The following ZNF454 variants were observed in gnomAD, a reference collection of about 807,000 sequenced individuals.
The protein encoded by ZNF454 is zinc finger protein 454.
In ZNF454, 30 loss-of-function variants were observed where a neutral mutation model predicts 48.2. The ratio of observed to expected loss-of-function variants is 0.62; its 90% confidence interval spans 0.47 to 0.84. The LOEUF (loss-of-function observed/expected upper bound fraction) is 0.84, where lower values mean the gene tolerates loss of function less well. Ranked by LOEUF, ZNF454 falls within the 40% of genes least tolerant of loss-of-function variation. The pLI, the probability that ZNF454 is intolerant of heterozygous loss-of-function variation, is 0.00. For missense variants in ZNF454, 510 were observed against 623.1 expected (o/e 0.82, Z 1.93); for synonymous variants, 204 against 211.4 (o/e 0.97, Z 0.30).
In ZNF454 at chr5:178,964,689, T is replaced by C. The variant is rs1370068638; in HGVS notation, c.285T>C (p.Thr95=). 1.2e-6 allele frequency: 2 copies of C among 1,613,946 alleles called. No individual in the cohort carries two copies. The highest frequency in any genetic ancestry group is 2.7e-5 in the African/African-American group (2 of 74,946). The change falls in exon 5 of 5, where the codon ACT becomes ACC. Residue 95 remains threonine, a synonymous_variant. Coordinates refer to ENST00000519564, the MANE Select transcript of ZNF454 (RefSeq NM_001178089.3). The stretch of plus-strand genomic sequence containing the variant: ...CTATGCCTGCCAGTAAGAAATCTAC[T>C]GTCAAGGCAGAGATTCCTGAAGAAG... ...WMTMPASKKS[T]VKAEIPEEEL...
At position 178,956,865 on chromosome 5, in the gene ZNF454, C is replaced by T. The variant is rs183430259; in HGVS notation, c.251-7790C>T. 1,972 of 362,968 alleles carry T rather than the reference C, an allele frequency of 5.4e-3. 19 individuals carry two copies. Among genetic ancestry groups the T allele is most frequent in the Non-Finnish European group, 6.1e-3 (1,090 of 179,496 alleles). The allele number at this position is 362,968 out of a possible 1,614,324, so 22.5% of individuals were successfully genotyped here. On this transcript the variant is annotated intron_variant, in intron 4 of 4. Transcript: ENST00000519564. ...GGAATACAGGCGCCCGCCACCATGC[C>T]CGGCTAATTTTTTGTATTTTTTGTT...
chr5:178,973,604 G>A, the ZNF454 span, among the ~76,000 whole-genome samples: 27 of 152,286 alleles, frequency 1.8e-4, no homozygotes, highest in Middle Eastern at 3.4e-3. Flanking sequence ...AGCACTTTGG[G>A]AGGCCGAAGC....
At chr5:178,942,931 A>C in intron 2 of ZNF454, 107 bp downstream of exon 2, 1 of 1,317,396 alleles carries the variant, frequency 7.6e-7, no homozygotes, top group Non-Finnish European at 1.0e-6. Context: ...CCACCCAGAC[A>C]CTGACCTCAG....
rs1759338326 is a variant in ZNF454, at chr5:178,946,433, G to A, written c.108G>A (p.Arg36=). 1.9e-6 allele frequency: 3 copies of A among 1,612,610 alleles called. No individual in the cohort carries two copies. Among genetic ancestry groups the A allele is most frequent in the Admixed American group, 1.7e-5 (1 of 59,534 alleles). ...EEWGQLSPAQ[R]ALYRDVMLEN... Reference sequence around the variant, plus strand: ...GGGGGCAGCTGAGCCCCGCCCAGAGGGCCCTGTACAGGGACGTGATGCTGG... The same window carrying A: ...GGGGGCAGCTGAGCCCCGCCCAGAGAGCCCTGTACAGGGACGTGATGCTGG... The change falls in exon 3 of 5, where the codon AGG becomes AGA. Residue 36 remains arginine, a synonymous_variant. Transcript: ENST00000519564. This position sits in a 1 kb window ranked among gnomAD's most constrained non-coding sequence, Gnocchi z 4.5.
the ZNF454 span, among the ~76,000 whole-genome samples, chr5:178,973,316 G>T: frequency 2.0e-5 from 3 of 152,272 alleles, no homozygotes; most frequent in African/African-American, 7.2e-5. Flanking sequence ...AAATTTCCAA[G>T]CTGCAGATAA....
intron 4 of ZNF454, among the ~76,000 whole-genome samples, chr5:178,956,486 G>A (rs1172169063): frequency 1.5e-5 from 2 of 134,770 alleles, no homozygotes; most frequent in Non-Finnish European, 1.5e-5. Context: ...GGCATCTTCC[G>A]TCCAGAGCAA....
chr5:178,982,898 G>A, the ZNF454 span: 1 of 1,601,684 alleles, frequency 6.2e-7, no homozygotes, highest in Non-Finnish European at 8.6e-7. Flanking sequence ...GACCTCCTGG[G>A]GACCTCATTA....
At chr5:178,962,435 CA>C (rs1339977037) in intron 4 of ZNF454, among the ~76,000 whole-genome samples, 2 of 151,386 alleles carry the variant, frequency 1.3e-5, no homozygotes, top group Non-Finnish European at 2.9e-5. Flanking sequence ...GTTTTTTAGC[CA>C]TGTTTTACTA....
the ZNF454 span, chr5:178,980,326 T>C: frequency 6.5e-6 from 1 of 154,392 alleles, no homozygotes; most frequent in African/African-American, 2.4e-5. This position sits in a 1 kb window ranked among gnomAD's most constrained non-coding sequence, Gnocchi z 4.3. Flanking sequence ...GTAAAAACTA[T>C]CAGTGAAAAA....
chr5:178,965,243 C>A lies in ZNF454; in HGVS notation c.839C>A (p.Ala280Asp). 6.2e-7 allele frequency: 1 copy of A among 1,614,206 alleles called. No individual in the cohort carries two copies. The highest frequency in any genetic ancestry group is 8.5e-7 in the Non-Finnish European group (1 of 1,180,028). ...TTTGAATGCAACTTATGTGGAAAAGCTTTTATCCGAAATATACACCTTGCC... is the reference window on the plus strand; with the variant it reads ...TTTGAATGCAACTTATGTGGAAAAGATTTTATCCGAAATATACACCTTGCC... ...KPFECNLCGK[A>D]FIRNIHLAHH... Residue 280 changes from alanine (A) to aspartate (D), a missense_variant, in exon 5 of 5, where the codon GCT (alanine) becomes GAT (aspartate). Physicochemically the swap from Ala to Asp is moderately radical, Grantham distance 126. Around this residue, in one of 3 missense-constraint regions of ZNF454, gnomAD observed 354 missense variants for 408.9 expected, o/e 0.87. Transcript: ENST00000519564. This position sits in a 1 kb window ranked among gnomAD's most constrained non-coding sequence, Gnocchi z 5.2.
the ZNF454 span, among the ~76,000 whole-genome samples, chr5:178,973,824 C>A: frequency 1.7e-5 from 2 of 117,592 alleles, no homozygotes; most frequent in Admixed American, 1.1e-4. Flanking sequence ...GCCTGGGCGA[C>A]AGAGCAAGAC....
At chr5:178,957,919 C>T (rs1267258238) in intron 4 of ZNF454, among the ~76,000 whole-genome samples, 1 of 151,922 alleles carries the variant, frequency 6.6e-6, no homozygotes, top group African/African-American at 2.4e-5. Flanking sequence ...CAAATAATTA[C>T]CCTCAAAAAA....
chr5:178,941,378 G>A lies in ZNF454; in HGVS notation c.-174G>A, dbSNP rs905060424. On this transcript the variant is annotated 5_prime_UTR_variant, in exon 1 of 5. Transcript: ENST00000519564. This position sits in a 1 kb window ranked among gnomAD's most constrained non-coding sequence, Gnocchi z 5.5. The stretch of plus-strand genomic sequence containing the variant: ...GTCTGGGGAGAAGGGCGGAGGCAAA[G>A]CCGAGGAGGTGCGGGTTGTGGTCCA... 1.1e-5 allele frequency: 5 copies of A among 456,448 alleles called. No individual in the cohort carries two copies. The highest frequency in any genetic ancestry group is 2.2e-5 in the Non-Finnish European group (5 of 226,880). 28.3% of individuals were successfully genotyped at this position (456,448 alleles called of 1,614,324 possible).
chr5:178,945,726 T>C (rs1759305129), intron 2 of ZNF454, among the ~76,000 whole-genome samples: 1 of 151,098 alleles, frequency 6.6e-6, no homozygotes, highest in African/African-American at 2.4e-5. Flanking sequence ...TGTGTGTGTG[T>C]TGAGGATGGG....
At chr5:178,989,537 A>C in the ZNF454 span, 1 of 1,124,166 alleles carries the variant, frequency 8.9e-7, no homozygotes, top group Non-Finnish European at 1.3e-6. Context: ...TGAACTAGGC[A>C]TGGCCAGGTG....
intron 4 of ZNF454, among the ~76,000 whole-genome samples, chr5:178,957,730 A>G (rs1246193474): frequency 6.6e-6 from 1 of 152,130 alleles, no homozygotes; most frequent in Non-Finnish European, 1.5e-5. Context: ...TGCTCACACC[A>G]GAGTGCTCTT....
chr5:178,943,394 G>A (rs368123976), intron 2 of ZNF454, among the ~76,000 whole-genome samples: 3 of 152,104 alleles, frequency 2.0e-5, no homozygotes, highest in African/African-American at 4.8e-5. Context: ...CCAACTGAGC[G>A]AGAATTCACT....
the ZNF454 span, among the ~76,000 whole-genome samples, chr5:178,989,569 T>C: frequency 6.8e-6 from 1 of 147,824 alleles, no homozygotes; most frequent in African/African-American, 2.5e-5. Context: ...GCCAGGTGAG[T>C]TAGGCGTGGC....
chr5:178,973,029 G>C, the ZNF454 span, among the ~76,000 whole-genome samples: 1 of 149,508 alleles, frequency 6.7e-6, no homozygotes, highest in African/African-American at 2.5e-5. Flanking sequence ...CTTTCTGATC[G>C]TGGTGGCTGA....
Sources: allele counts gnomAD v4.1 joint callset (sites outside exome capture counted in the v4.1 genomes callset), GRCh38; gene constraint gnomAD v4.1.1; regional missense constraint gnomAD v4.1.1; non-coding constraint Gnocchi (gnomAD v3.1); transcripts MANE v1.5; gene names NCBI Gene and HGNC (gene_info 2026-07-23, HGNC 2026-07-21).